Variants in AMACR observed in about 807,000 individuals in gnomAD.
AMACR encodes the protein alpha-methylacyl-CoA racemase, also known as 2-methylacyl-CoA racemase.
In AMACR, 18 loss-of-function variants were observed where a neutral mutation model predicts 22.2. The observed-to-expected ratio is 0.81, with a 90% CI of 0.56 to 1.20. AMACR has a LOEUF of 1.20. Among genes scored for constraint, AMACR ranks in the 50% most tolerant of loss-of-function variants. The probability of loss-of-function intolerance (pLI) is 0.00; values close to 1 mark genes in which losing one functional copy is unlikely to be tolerated. For missense variants in AMACR, 499 were observed against 490.6 expected, an observed-to-expected ratio of 1.02 and a Z score of -0.16; for synonymous variants, 213 against 191.3, an observed-to-expected ratio of 1.11 and a Z score of -0.94.
chr5:33,990,636 A>G (rs1186711895), intron 4 of AMACR, among the ~76,000 whole-genome samples: 1 of 152,268 alleles, frequency 6.6e-6, no homozygotes, highest in Non-Finnish European at 1.5e-5. Flanking sequence ...CCCTTTCTTT[A>G]TGCATCACAC....
In AMACR at chr5:33,998,821, C is replaced by T; in HGVS notation, c.559G>A (p.Gly187Arg). The T allele has an allele frequency of 6.2e-7, 1 of 1,613,926 alleles. No individual in the cohort carries two copies. Among genetic ancestry groups the T allele is most frequent in the Non-Finnish European group, 8.5e-7 (1 of 1,179,866 alleles). Residue 187 changes from glycine (G) to arginine (R), a missense_variant, in exon 4 of 5, where the codon GGA (glycine) becomes AGA (arginine). Coordinates refer to ENST00000335606, the MANE Select transcript of AMACR (RefSeq NM_014324.6). ...GQVIDANMVE[G>R]TAYLSSFLWK... is the part of the protein sequence containing the mutation. The stretch of plus-strand genomic sequence containing the variant: ...AGAAAAGAACTTAAATATGCTGTTC[C>T]TTCCACCTTTGAGAAAACAGAATAC...
intron 4 of AMACR, among the ~76,000 whole-genome samples, 171 bp from the exon 5 acceptor site, chr5:33,989,673 C>G (rs926446614): frequency 6.6e-6 from 1 of 152,100 alleles, no homozygotes; most frequent in Non-Finnish European, 1.5e-5. Flanking sequence ...GAGCCAAAGG[C>G]TAGAGAGGGC....
intron 4 of AMACR, among the ~76,000 whole-genome samples, chr5:33,991,465 A>C (rs1167599727): frequency 1.3e-5 from 2 of 152,098 alleles, no homozygotes; most frequent in Non-Finnish European, 2.9e-5. Flanking sequence ...ATCACTATGA[A>C]ATTTCTGGCA....
intron 4 of AMACR, 56 bp downstream of exon 4, chr5:33,998,585 C>T: frequency 6.6e-7 from 1 of 1,525,378 alleles, no homozygotes; most frequent in Non-Finnish European, 8.8e-7. Context: ...TAAAATAGAA[C>T]CAAAGAACAT....
In AMACR at chr5:34,007,988, A is replaced by G; in HGVS notation, c.32T>C (p.Leu11Pro). 1.2e-6 allele frequency: 2 copies of G among 1,611,648 alleles called. No individual in the cohort carries two copies. Among genetic ancestry groups the G allele is most frequent in the Non-Finnish European group, 1.7e-6 (2 of 1,179,772 alleles). MALQGISVVELSGLAPGPFCA... is the reference protein window; with the variant it reads MALQGISVVEPSGLAPGPFCA... ...GAACGGGCCCGGGGCCAGGCCGGACAGCTCCACGACCGAGATGCCCTGCAG... is the reference window on the plus strand; with the variant it reads ...GAACGGGCCCGGGGCCAGGCCGGACGGCTCCACGACCGAGATGCCCTGCAG... The change falls in exon 1 of 5, where the codon CTG becomes CCG. Residue 11 changes from leucine to proline, a missense_variant. By Grantham distance (98) the Leu-to-Pro change is moderately conservative. Coordinates refer to ENST00000335606, the MANE Select transcript of AMACR (RefSeq NM_014324.6).
intron 2 of AMACR, among the ~76,000 whole-genome samples, chr5:34,005,454 A>G (rs746924559): frequency 2.0e-5 from 3 of 152,210 alleles, no homozygotes; most frequent in Non-Finnish European, 4.4e-5. Flanking sequence ...AACCATCCGT[A>G]GTACCCAGTA....
Position 33,988,676 on chromosome 5 carries a change from C to A in AMACR, c.*417G>T. ...GGATGCAACCAATCACTCTGTTTCA[C>A]GTGACTTTTATCACCATACAATTTG... On this transcript the variant is annotated 3_prime_UTR_variant, in exon 5 of 5. Transcript: ENST00000335606. 8.2e-7 allele frequency: 1 copy of A among 1,217,472 alleles called. No homozygotes were observed. 75.4% of individuals were successfully genotyped at this position (1,217,472 alleles called of 1,614,324 possible).
Position 33,988,295 on chromosome 5 carries a change from G to A in AMACR, c.*798C>T, listed in dbSNP as rs1334353417. On this transcript the variant is annotated 3_prime_UTR_variant, in exon 5 of 5. Transcript: ENST00000335606. ...GGAGACACAAAACGACTTGCTGGGG[G>A]GTCCTGAGATCTTTATTTCTGGATG... 1.3e-6 allele frequency: 2 copies of A among 1,535,958 alleles called. No homozygotes were observed. The highest frequency in any genetic ancestry group is 2.0e-5 in the Admixed American group (1 of 51,128).
intron 4 of AMACR, chr5:33,994,165 C>A: frequency 2.4e-6 from 1 of 423,802 alleles, no homozygotes; most frequent in South Asian, 1.7e-5. Context: ...TTAGTACTAC[C>A]TCAAAAATTA....
At chr5:34,004,180 G>A (rs1222457888) in intron 3 of AMACR, among the ~76,000 whole-genome samples, 1 of 152,152 alleles carries the variant, frequency 6.6e-6, no homozygotes, top group Non-Finnish European at 1.5e-5. Context: ...ACCAGCTGAG[G>A]GAGACTTCTT....
In AMACR at chr5:33,989,493, A is replaced by C. The variant is rs1464991426; in HGVS notation, c.749T>G (p.Leu250Arg). The change falls in exon 5 of 5, where the codon CTA (leucine) becomes CGA (arginine). Residue 250 changes from leucine (L) to arginine (R), a missense_variant. Transcript: ENST00000335606. ...FYELLIKGLG[L>R]KSDELPNQMS... ...CTGATTGGGAAGTTCATCAGACTTT[A>C]GTCCAAGTCCTGAGGAAAAATACAA... 1.5e-5 allele frequency: 25 copies of C among 1,613,762 alleles called. No individual in the cohort carries two copies. The highest frequency in any genetic ancestry group is 2.1e-5 in the Non-Finnish European group (25 of 1,179,744).
Position 34,007,868 on chromosome 5 carries a change from C to A in AMACR, c.152G>T (p.Arg51Leu), listed in dbSNP as rs754683383. 8.2e-6 allele frequency: 13 copies of A among 1,589,522 alleles called. No homozygotes were observed. Among genetic ancestry groups the A allele is most frequent in the Middle Eastern group, 1.7e-4 (1 of 6,060 alleles). The change falls in exon 1 of 5, where the codon CGC (arginine) becomes CTC (leucine). Residue 51 changes from arginine (R) to leucine (L), a missense_variant. Transcript: ENST00000335606. Reference protein sequence around the residue: ...YDVSRLGRGKRSLVLDLKQPR... With the variant: ...YDVSRLGRGKLSLVLDLKQPR... ...CTGCTTCAGGTCCAGCACTAGCGAG[C>A]GCTTGCCCCGGCCCAAGCGGCTCAC... is the stretch of plus-strand genomic sequence containing the variant.
chr5:33,998,830 T>C lies in AMACR; in HGVS notation c.553-3A>G, dbSNP rs775486138. On this transcript the variant is annotated splice_region_variant and splice_polypyrimidine_tract_variant and intron_variant, in intron 3 of 4. Coordinates refer to ENST00000335606, the MANE Select transcript of AMACR (RefSeq NM_014324.6). The stretch of plus-strand genomic sequence containing the variant: ...CTTAAATATGCTGTTCCTTCCACCT[T>C]TGAGAAAACAGAATACAAGACAAAT... 4 of 1,613,864 alleles carry C rather than the reference T, an allele frequency of 2.5e-6. No individual in the cohort carries two copies. The highest frequency in any genetic ancestry group is 3.3e-5 in the Admixed American group (2 of 59,988).
At chr5:34,005,713 T>C in intron 2 of AMACR, 43 bp downstream of exon 2, 4 of 1,609,404 alleles carry the variant, frequency 2.5e-6, no homozygotes, top group Non-Finnish European at 3.4e-6. Context: ...TAGATCTTGA[T>C]GGAATAAATT....
rs975712828 is a variant in AMACR at position 33,998,757 on chromosome 5, C to A, written c.623G>T (p.Arg208Leu). 3 of 1,613,966 alleles carry A rather than the reference C, an allele frequency of 1.9e-6. No homozygotes were observed. The highest frequency in any genetic ancestry group is 1.7e-6 in the Non-Finnish European group (2 of 1,180,008). ...TCCACCATCCAACATGTTCTGTCCT[C>A]GAGGTGCTTCCCACAGACTCAATTT... ...TQKLSLWEAP[R>L]GQNMLDGGAP... is the part of the protein sequence containing the mutation. Residue 208 changes from arginine (R) to leucine (L), a missense_variant, in exon 4 of 5, where the codon CGA (arginine) becomes CTA (leucine). Physicochemically the swap from Arg to Leu is moderately radical, Grantham distance 102 (BLOSUM62 -2). Transcript: ENST00000335606.
At chr5:33,992,516 T>C (rs1011850646) in intron 4 of AMACR, among the ~76,000 whole-genome samples, 2 of 151,968 alleles carry the variant, frequency 1.3e-5, no homozygotes, top group African/African-American at 2.4e-5. Flanking sequence ...AAGACCAACC[T>C]GGGCAACTTA....
chr5:33,990,153 C>T lies in AMACR; in HGVS notation c.740-651G>A, dbSNP rs567797863. ...AGACCCCCATCATCCATCATCCATC[C>T]ACCCATCCATCCATCCATACAAACA... On this transcript the variant is annotated intron_variant, in intron 4 of 4. Transcript: ENST00000335606. 3.3e-5 allele frequency among the ~76,000 whole-genome samples: 5 copies of T among 152,276 alleles called. No homozygotes were observed. In the East Asian group the frequency reaches 9.6e-4, roughly 29 times the overall value.
At chr5:33,998,251 T>G (rs1409730600) in intron 4 of AMACR, among the ~76,000 whole-genome samples, 1 of 152,198 alleles carries the variant, frequency 6.6e-6, no homozygotes, top group East Asian at 1.9e-4. Flanking sequence ...GACATTGAAG[T>G]GCCATAAGGG....
At chr5:33,992,029 C>A (rs1753493319) in intron 4 of AMACR, among the ~76,000 whole-genome samples, 2 of 152,096 alleles carry the variant, frequency 1.3e-5, no homozygotes, top group Non-Finnish European at 2.9e-5. Context: ...CAGGTGCCTG[C>A]CACCATGCCC....
Sources: allele counts gnomAD v4.1 joint callset (sites outside exome capture counted in the v4.1 genomes callset), GRCh38; gene constraint gnomAD v4.1.1; transcripts MANE v1.5; gene names NCBI Gene and HGNC (gene_info 2026-07-23, HGNC 2026-07-21).